Variants in BCAS3 observed in about 807,000 individuals in gnomAD.
The protein encoded by BCAS3 is BCAS3 microtubule associated cell migration factor.
A neutral mutation model predicts 116.1 loss-of-function variants in BCAS3; 53 were observed. The ratio of observed to expected loss-of-function variants is 0.46; its 90% confidence interval spans 0.37 to 0.57. The LOEUF (loss-of-function observed/expected upper bound fraction) is 0.57, where lower values mean the gene tolerates loss of function less well. Ranked by LOEUF, BCAS3 falls within the 20% of genes least tolerant of loss-of-function variation. BCAS3 has a pLI of 0.00. For missense variants in BCAS3, 917 were observed against 1,165.4 expected (o/e 0.79, Z 3.10); for synonymous variants, 391 against 408.2 (o/e 0.96, Z 0.51).
Position 61,017,587 on chromosome 17 carries a change from A to ATTAAT in BCAS3, c.1637+1686_1637+1687insTTAAT, listed in dbSNP as rs2065549607. Among the ~76,000 whole-genome samples, 1 of 152,212 alleles carries ATTAAT rather than the reference A, an allele frequency of 6.6e-6. No individual in the cohort carries two copies. The highest frequency in any genetic ancestry group is 2.4e-5 in the African/African-American group (1 of 41,466). ...TGCGTGTTTATTTAATTTTAACATAAGAGCTGTCCTGTTTTATAATGCAAA... is the reference window on the plus strand; with the variant it reads ...TGCGTGTTTATTTAATTTTAACATAATTAATGAGCTGTCCTGTTTTATAATGCAAA... On this transcript the variant is annotated intron_variant, in intron 16 of 23. Transcript: ENST00000407086. The surrounding 1 kb of genome is among the most constrained non-coding windows in gnomAD (Gnocchi z 4.7).
intron 22 of BCAS3, among the ~76,000 whole-genome samples, chr17:61,231,869 C>CAAAAAAAA (rs72247548): frequency 3.0e-5 from 3 of 100,424 alleles, no homozygotes; most frequent in Middle Eastern, 5.8e-3. Flanking sequence ...GACCCTGTCT[C>CAAAAAAAA]AAAAAAAAAA....
chr17:61,060,589 A>T (rs2143296669), intron 19 of BCAS3, among the ~76,000 whole-genome samples: 1 of 152,348 alleles, frequency 6.6e-6, no homozygotes, highest in East Asian at 1.9e-4. Context: ...AGAAGAGTCA[A>T]GATGACTCTC....
At chr17:60,892,312 AT>A (rs146241613) in intron 10 of BCAS3, among the ~76,000 whole-genome samples, 6,926 of 126,714 alleles carry the variant, frequency 0.055, 382 homozygotes, top group African/African-American at 0.17. Context: ...TTTTTGACTT[AT>A]TTTTTTTTTT....
intron 19 of BCAS3, among the ~76,000 whole-genome samples, chr17:61,064,815 G>A (rs1034813801): frequency 6.6e-6 from 1 of 152,142 alleles, no homozygotes; most frequent in East Asian, 1.9e-4. Flanking sequence ...TACAGGGTCA[G>A]GGCACAAGGA....
intron 19 of BCAS3, among the ~76,000 whole-genome samples, chr17:61,049,322 T>C (rs2068625589): frequency 6.6e-6 from 1 of 151,522 alleles, no homozygotes; most frequent in South Asian, 2.1e-4. Flanking sequence ...ATAAAATCAA[T>C]AAATAAATTG....
chr17:60,761,056 G>A (rs1034296798), intron 6 of BCAS3, among the ~76,000 whole-genome samples: 2 of 151,694 alleles, frequency 1.3e-5, no homozygotes, highest in South Asian at 4.2e-4. Context: ...TAGAATTTCT[G>A]TTTTGTTCTT....
Position 61,020,474 on chromosome 17 carries a change from A to C in BCAS3, c.1637+4573A>C, listed in dbSNP as rs2065799952. On this transcript the variant is annotated intron_variant, in intron 16 of 23. Coordinates refer to ENST00000407086, the MANE Select transcript of BCAS3 (RefSeq NM_017679.5). The surrounding 1 kb of genome is among the most constrained non-coding windows in gnomAD (Gnocchi z 4.5). ...CATTGATGGAGGTAAAAGAAGTGTTAGACATTATTTGGCTCCAATAATCAC... is the reference window on the plus strand; with the variant it reads ...CATTGATGGAGGTAAAAGAAGTGTTCGACATTATTTGGCTCCAATAATCAC... Among the ~76,000 whole-genome samples, 1 of 152,252 alleles carries C rather than the reference A, an allele frequency of 6.6e-6. No homozygotes were observed. The highest frequency in any genetic ancestry group is 2.4e-5 in the African/African-American group (1 of 41,468).
chr17:61,220,120 C>T lies in BCAS3; in HGVS notation c.2425+135556C>T, dbSNP rs1435407001. On this transcript the variant is annotated intron_variant, in intron 22 of 23. Coordinates refer to ENST00000407086, the MANE Select transcript of BCAS3 (RefSeq NM_017679.5). This position sits in a 1 kb window ranked among gnomAD's most constrained non-coding sequence, Gnocchi z 4.5. ...ACCAGCCTGGCCAATACAGTGAAAT[C>T]ACGTCTCTACTAATAATACAAAAAT... Among the ~76,000 whole-genome samples, 6 of 152,156 alleles carry T rather than the reference C, an allele frequency of 3.9e-5. No individual in the cohort carries two copies. Among genetic ancestry groups the T allele is most frequent in the Admixed American group, 2.6e-4 (4 of 15,282 alleles).
intron 13 of BCAS3, 99 bp downstream of exon 13, chr17:60,924,599 A>G: frequency 1.2e-6 from 1 of 866,036 alleles, no homozygotes; most frequent in Non-Finnish European, 1.8e-6. Flanking sequence ...ACTTTTCTTC[A>G]TGTATCAGTA....
intron 12 of BCAS3, among the ~76,000 whole-genome samples, chr17:60,920,316 C>T (rs2059005635): frequency 6.6e-6 from 1 of 152,168 alleles, no homozygotes; most frequent in Admixed American, 6.5e-5. Flanking sequence ...AAACAGACAA[C>T]TACTTAATGG....
intron 7 of BCAS3, among the ~76,000 whole-genome samples, chr17:60,861,934 T>C (rs185351736): frequency 5.9e-5 from 9 of 152,316 alleles, no homozygotes; most frequent in Non-Finnish European, 7.4e-5. Context: ...ATCAGGGATA[T>C]TGGCCTGAAA....
chr17:60,833,746 C>A (rs540483259), intron 7 of BCAS3, among the ~76,000 whole-genome samples: 1 of 152,156 alleles, frequency 6.6e-6, no homozygotes, highest in South Asian at 2.1e-4. Flanking sequence ...TTCACGTATT[C>A]TTTCAAAACT....
At chr17:60,858,455 T>C (rs79318935) in intron 7 of BCAS3, among the ~76,000 whole-genome samples, 4,499 of 151,588 alleles carry the variant, frequency 0.03, 169 homozygotes, top group East Asian at 0.093. Context: ...GCTTCCCTAC[T>C]CCCACAGTCA....
In BCAS3 at chr17:61,323,786, G is replaced by A. The variant is rs2055505208; in HGVS notation, c.2426-44541G>A. On this transcript the variant is annotated intron_variant, in intron 22 of 23. Transcript: ENST00000407086. The surrounding 1 kb of genome is among the most constrained non-coding windows in gnomAD (Gnocchi z 4.6). ...CCCCAGGAGGTCAGTGGCCTGCTGC[G>A]GTGCTCAGCTGCTGGTAAGTGATCC... is the stretch of plus-strand genomic sequence containing the variant. Among the ~76,000 whole-genome samples the A allele has an allele frequency of 2.0e-5, 3 of 152,170 alleles. No individual in the cohort carries two copies. The highest frequency in any genetic ancestry group is 7.2e-5 in the African/African-American group (3 of 41,442).
intron 4 of BCAS3, among the ~76,000 whole-genome samples, chr17:60,703,076 A>G (rs1049135915): frequency 8.0e-5 from 12 of 149,958 alleles, no homozygotes; most frequent in Non-Finnish European, 1.6e-4. Context: ...GGAGTTTGAG[A>G]CCAGCCTGGC....
At chr17:60,991,013 A>G (rs1007106251) in intron 15 of BCAS3, among the ~76,000 whole-genome samples, 1 of 152,216 alleles carries the variant, frequency 6.6e-6, no homozygotes, top group Non-Finnish European at 1.5e-5. Context: ...TCTTAGAGCA[A>G]GTAGCTGTGT....
rs1252728260 is a variant in BCAS3, at chr17:60,709,279, T to C, written c.275T>C (p.Leu92Ser). The change falls in exon 5 of 24, where the codon TTG (leucine) becomes TCG (serine). Residue 92 changes from leucine (L) to serine (S), a missense_variant. Leu to Ser is a moderately radical substitution (Grantham distance 145). Coordinates refer to ENST00000407086, the MANE Select transcript of BCAS3 (RefSeq NM_017679.5). The stretch of plus-strand genomic sequence containing the variant: ...AGTACTGGGAATGAACCGCCTTTGT[T>C]GATTATGATTGGCTACAGTGATGGA... ...IHSTGNEPPLLIMIGYSDGMQ... is the reference protein window; with the variant it reads ...IHSTGNEPPLSIMIGYSDGMQ... The C allele has an allele frequency of 1.2e-6, 2 of 1,603,230 alleles. No individual in the cohort carries two copies. Among genetic ancestry groups the C allele is most frequent in the African/African-American group, 2.7e-5 (2 of 74,856 alleles).
At position 60,902,687 on chromosome 17, in the gene BCAS3, T is replaced by G. The variant is rs1567830248; in HGVS notation, c.806T>G (p.Val269Gly). 1 of 1,610,522 alleles carries G rather than the reference T, an allele frequency of 6.2e-7. No individual in the cohort carries two copies. The highest frequency in any genetic ancestry group is 1.1e-5 in the South Asian group (1 of 91,010). Residue 269 changes from valine to glycine, a missense_variant, in exon 11 of 24, where the codon GTC becomes GGC. Physicochemically the swap from Val to Gly is moderately radical, Grantham distance 109. Coordinates refer to ENST00000407086, the MANE Select transcript of BCAS3 (RefSeq NM_017679.5). ...GDNIQSYTAT[V>G]ISAAKTLKSG... Reference sequence around the variant, plus strand: ...AACATTCAGTCTTATACTGCCACAGTCATTAGTGCTGCTAAAGTGAGTACC... The same window carrying G: ...AACATTCAGTCTTATACTGCCACAGGCATTAGTGCTGCTAAAGTGAGTACC...
At chr17:60,683,954 C>G in intron 2 of BCAS3, 28 bp from the exon 3 acceptor site, 1 of 1,593,712 alleles carries the variant, frequency 6.3e-7, no homozygotes, top group Non-Finnish European at 8.6e-7. Flanking sequence ...CTCTCCTGAC[C>G]AGTGTTGTCC....
Sources: allele counts gnomAD v4.1 joint callset (sites outside exome capture counted in the v4.1 genomes callset), GRCh38; gene constraint gnomAD v4.1.1; non-coding constraint Gnocchi (gnomAD v3.1); transcripts MANE v1.5; gene names NCBI Gene and HGNC (gene_info 2026-07-23, HGNC 2026-07-21).